Variants in FAHD2A observed in about 807,000 individuals in gnomAD.
FAHD2A encodes the protein oxaloacetate tautomerase FAHD2A, mitochondrial.
In FAHD2A, 27 loss-of-function variants were observed where a neutral mutation model predicts 33.4. That is an observed-to-expected ratio of 0.81 (90% confidence interval 0.60 to 1.11). FAHD2A has a LOEUF of 1.11. FAHD2A is among the 50% of genes most tolerant of loss of function. The pLI is 0.00. For missense variants in FAHD2A, 296 were observed against 395.0 expected, an observed-to-expected ratio of 0.75 and a Z score of 2.12; for synonymous variants, 130 against 153.3, an observed-to-expected ratio of 0.85 and a Z score of 1.12.
chr2:95,412,459 C>T lies in FAHD2A; in HGVS notation c.711C>T (p.Cys237=), dbSNP rs774042557. ...ATCCACACAACTTAAAGATCTGCTG[C>T]CGAGTGAATGGGGAAGTGGTCCAGA... is the stretch of plus-strand genomic sequence containing the variant. ...VADPHNLKIC[C]RVNGEVVQSG... Residue 237 remains cysteine (C), a synonymous_variant, in exon 6 of 8, where the codon TGC becomes TGT. Coordinates refer to ENST00000233379, the MANE Select transcript of FAHD2A (RefSeq NM_016044.3). 12 of 1,613,788 alleles carry T rather than the reference C, an allele frequency of 7.4e-6. No individual in the cohort carries two copies. Among genetic ancestry groups the T allele is most frequent in the Admixed American group, 1.7e-5 (1 of 59,992 alleles).
In FAHD2A at chr2:95,414,281, G is replaced by T; in HGVS notation, c.*1324G>T. On this transcript the variant is annotated 3_prime_UTR_variant, in exon 8 of 8. Coordinates refer to ENST00000233379, the MANE Select transcript of FAHD2A (RefSeq NM_016044.3). ...CCTTCTTCCTGGGCGGTGGCCTGCA[G>T]GAACTGGAACAGCTGTTGGAGAGGA... 1 of 1,384,638 alleles carries T rather than the reference G, an allele frequency of 7.2e-7. No individual in the cohort carries two copies. Among genetic ancestry groups the T allele is most frequent in the Non-Finnish European group, 1.0e-6 (1 of 975,008 alleles). 85.8% of individuals were successfully genotyped at this position (1,384,638 alleles called of 1,614,324 possible). A position where few individuals can be genotyped will look rare whatever the true frequency, so the allele number is the denominator to read the frequency against.
intron 1 of FAHD2A, among the ~76,000 whole-genome samples, chr2:95,403,961 G>A (rs1681122329): frequency 6.6e-6 from 1 of 152,232 alleles, no homozygotes; most frequent in Non-Finnish European, 1.5e-5. Flanking sequence ...GTTGGTGCTT[G>A]TGTAAGACAG....
In FAHD2A at chr2:95,405,177, C is replaced by A. The variant is rs1573545474; in HGVS notation, c.-6-376C>A. ...CCCTGACCATCTTCACAGCATTAGT[C>A]CTGATAGCTGAATCTTACGTCAGTT... On this transcript the variant is annotated intron_variant, in intron 1 of 7. Coordinates refer to ENST00000233379, the MANE Select transcript of FAHD2A (RefSeq NM_016044.3). 1.7e-5 allele frequency: 3 copies of A among 181,082 alleles called. No individual in the cohort carries two copies. The East Asian group carries it at 4.3e-4, about 26-fold the overall frequency. 11.2% of individuals were successfully genotyped at this position (181,082 alleles called of 1,614,324 possible).
rs374795485 is a variant in FAHD2A at position 95,412,897 on chromosome 2, G to C, written c.885G>C (p.Lys295Asn). Reference protein sequence around the residue: ...VFRKPPVFLKKGDEVQCEIEE... With the variant: ...VFRKPPVFLKNGDEVQCEIEE... ...TGTCATGGCCTGCTCTGTTGCAGAA[G>C]GGGGATGAAGTCCAGTGTGAGATTG... Residue 295 changes from lysine (K) to asparagine (N), a missense_variant and splice_region_variant, in exon 8 of 8, where the codon AAG becomes AAC. Lys to Asn is a moderately conservative substitution (Grantham distance 94, BLOSUM62 0). Transcript: ENST00000233379. 2.1e-5 allele frequency: 34 copies of C among 1,614,124 alleles called. No individual in the cohort carries two copies. Among genetic ancestry groups the C allele is most frequent in the Middle Eastern group, 3.3e-4 (2 of 6,084 alleles).
chr2:95,411,993 T>C (rs1196940521), intron 5 of FAHD2A, among the ~76,000 whole-genome samples: 1 of 152,166 alleles, frequency 6.6e-6, no homozygotes, highest in African/African-American at 2.4e-5. Context: ...CTCACTAAGT[T>C]ACCCAGGCTG....
Position 95,415,414 on chromosome 2 carries a change from T to G in FAHD2A, c.*2457T>G, listed in dbSNP as rs1157794282. 2.8e-5 allele frequency: 4 copies of G among 143,682 alleles called. No homozygotes were observed. The highest frequency in any genetic ancestry group is 4.6e-5 in the Non-Finnish European group (3 of 65,738). 8.9% of individuals were successfully genotyped at this position (143,682 alleles called of 1,614,324 possible). On this transcript the variant is annotated 3_prime_UTR_variant, in exon 8 of 8. Coordinates refer to ENST00000233379, the MANE Select transcript of FAHD2A (RefSeq NM_016044.3). ...CAGGGTGGAGTGAGTGGAAAGCAAA[T>G]GAAATGTTAAAAAAAAAAAAAAAGC... is the stretch of plus-strand genomic sequence containing the variant.
Position 95,410,869 on chromosome 2 carries a change from A to G in FAHD2A, c.528A>G (p.Thr176=), listed in dbSNP as rs1682372572. The change falls in exon 5 of 8, where the codon ACA becomes ACG. Residue 176 remains threonine (T), a synonymous_variant. Transcript: ENST00000233379. ...IGKKGKHIKA[T]DAMAHVAGFT... ...CAAATCCCCTGCCCCCATAGGCCAC[A>G]GATGCTATGGCCCACGTGGCCGGCT... The G allele has an allele frequency of 6.2e-6, 10 of 1,613,956 alleles. No individual in the cohort carries two copies. In the East Asian group the frequency reaches 2.2e-4, roughly 36 times the overall value.
At position 95,413,617 on chromosome 2, in the gene FAHD2A, C is replaced by A. The variant is rs1682870899; in HGVS notation, c.*660C>A. 22 of 1,481,652 alleles carry A rather than the reference C, an allele frequency of 1.5e-5. No individual in the cohort carries two copies. The highest frequency in any genetic ancestry group is 1.1e-4 in the South Asian group (8 of 71,620). The allele number at this position is 1,481,652 out of a possible 1,614,324, so 91.8% of individuals were successfully genotyped here. ...AGTGCACTCACCACAGGGACTGTGTCCACATGGCCCAGGGGCCAGGCCTGT... is the reference window on the plus strand; with the variant it reads ...AGTGCACTCACCACAGGGACTGTGTACACATGGCCCAGGGGCCAGGCCTGT... On this transcript the variant is annotated 3_prime_UTR_variant, in exon 8 of 8. Coordinates refer to ENST00000233379, the MANE Select transcript of FAHD2A (RefSeq NM_016044.3).
At position 95,414,226 on chromosome 2, in the gene FAHD2A, G is replaced by A. The variant is rs1682938027; in HGVS notation, c.*1269G>A. 1 of 1,601,568 alleles carries A rather than the reference G, an allele frequency of 6.2e-7. No individual in the cohort carries two copies. On this transcript the variant is annotated 3_prime_UTR_variant, in exon 8 of 8. Transcript: ENST00000233379. ...CAAACACCACTGCCTGCAGGAGCCT[G>A]GGCTGACTGGTTGGGACTCACCAAA...
rs1017443793 is a variant in FAHD2A, at chr2:95,410,940, G to A, written c.599G>A (p.Arg200His). 1.5e-5 allele frequency: 24 copies of A among 1,613,902 alleles called. No individual in the cohort carries two copies. The highest frequency in any genetic ancestry group is 8.0e-5 in the African/African-American group (6 of 74,928). The change falls in exon 5 of 8, where the codon CGT becomes CAT. Residue 200 changes from arginine to histidine, a missense_variant. Physicochemically the swap from Arg to His is conservative, Grantham distance 29. Transcript: ENST00000233379. ...DVSARDWQMRRNGKQWLLGKT... is the reference protein window; with the variant it reads ...DVSARDWQMRHNGKQWLLGKT... ...AGTGCTCGTGACTGGCAAATGAGACGTAATGGGAAACAATGGCTGCTGGGA... is the reference window on the plus strand; with the variant it reads ...AGTGCTCGTGACTGGCAAATGAGACATAATGGGAAACAATGGCTGCTGGGA...
chr2:95,412,933 T>C lies in FAHD2A; in HGVS notation c.921T>C (p.Gly307=). ...DEVQCEIEEL[G]VIINKVV ...TCCAGTGTGAGATTGAAGAACTAGG[T>C]GTCATCATCAACAAGGTGGTGTGAT... Residue 307 remains glycine, a synonymous_variant, in exon 8 of 8, where the codon GGT becomes GGC. Coordinates refer to ENST00000233379, the MANE Select transcript of FAHD2A (RefSeq NM_016044.3). The C allele has an allele frequency of 2.5e-6, 4 of 1,614,132 alleles. No individual in the cohort carries two copies. The highest frequency in any genetic ancestry group is 1.3e-5 in the African/African-American group (1 of 75,026).
intron 5 of FAHD2A, 72 bp from the exon 6 acceptor site, chr2:95,412,362 T>G: frequency 1.9e-6 from 3 of 1,575,726 alleles, no homozygotes; most frequent in Non-Finnish European, 2.6e-6. Context: ...ACCCCTACAG[T>G]TGTGTTTGTA....
intron 1 of FAHD2A, among the ~76,000 whole-genome samples, chr2:95,403,974 G>A (rs1681125198): frequency 6.6e-6 from 1 of 152,210 alleles, no homozygotes; most frequent in Non-Finnish European, 1.5e-5. Flanking sequence ...TAAGACAGCA[G>A]GGCAGAGAAG....
downstream of FAHD2A, among the ~76,000 whole-genome samples, chr2:95,420,147 T>G (rs1683294616): frequency 6.6e-6 from 1 of 152,090 alleles, no homozygotes; most frequent in African/African-American, 2.4e-5. Flanking sequence ...GAGGGCAATC[T>G]ACTTTATTCA....
At chr2:95,407,839 G>GT (rs1681854915) in intron 3 of FAHD2A, among the ~76,000 whole-genome samples, 1 of 152,162 alleles carries the variant, frequency 6.6e-6, no homozygotes, top group South Asian at 2.1e-4. Flanking sequence ...CACCAGTAGT[G>GT]TATATACCCT....
chr2:95,421,011 G>A (rs1373249630), downstream of FAHD2A, among the ~76,000 whole-genome samples: 1 of 12,446 alleles, frequency 8.0e-5, no homozygotes, highest in Non-Finnish European at 3.1e-4. Flanking sequence ...ACCTCTGTGT[G>A]TGTGTGTGTG....
At chr2:95,419,214 A>T (rs1194994376), downstream of FAHD2A, among the ~76,000 whole-genome samples, 1 of 152,078 alleles carries the variant, frequency 6.6e-6, no homozygotes, top group African/African-American at 2.4e-5. Flanking sequence ...TAGTTATGGC[A>T]CCCCTAGAAA....
chr2:95,407,274 T>C, intron 3 of FAHD2A, 117 bp downstream of exon 3: 1 of 1,420,672 alleles, frequency 7.0e-7, no homozygotes, highest in Non-Finnish European at 9.6e-7. Context: ...GCAGAAACTC[T>C]ACAGGATTGT....
intron 5 of FAHD2A, among the ~76,000 whole-genome samples, 156 bp downstream of exon 5, chr2:95,411,182 G>A (rs1682439417): frequency 1.3e-5 from 2 of 152,152 alleles, no homozygotes; most frequent in Admixed American, 6.5e-5. Flanking sequence ...CCTCAGCCAC[G>A]AGTTCTCCCA....
Sources: gnomAD v4.1 joint callset for allele counts (sites outside exome capture counted in the v4.1 genomes callset) on GRCh38, gnomAD v4.1.1 for gene constraint, MANE v1.5 for transcripts, NCBI Gene and HGNC (gene_info 2026-07-23, HGNC 2026-07-21) for gene names.